The following LTBP4 variants were observed in gnomAD, a reference collection of about 807,000 sequenced individuals.
LTBP4 encodes latent-transforming growth factor beta-binding protein 4.
Under a neutral mutation model 180.2 loss-of-function variants are expected in LTBP4, and 93 were observed. The ratio of observed to expected loss-of-function variants is 0.52; its 90% CI spans 0.44 to 0.61. The LOEUF (loss-of-function observed/expected upper bound fraction) is 0.61. Ranked by LOEUF, LTBP4 falls within the 20% of genes least tolerant of loss-of-function variation. LTBP4 has a pLI of 0.00. For synonymous variants in LTBP4, 947 were observed against 934.5 expected (o/e 1.01, Z -0.24); for missense variants, 2,116 against 2,256.5 (o/e 0.94, Z 1.26).
chr19:40,600,050 C>T, upstream of LTBP4: 1 of 1,237,430 alleles, frequency 8.1e-7, no homozygotes, highest in Non-Finnish European at 1.0e-6. This position sits in a 1 kb window ranked among gnomAD's most constrained non-coding sequence, Gnocchi z 4.4. Context: ...AGCAGCTTTT[C>T]CGTCCTCTCC....
chr19:40,617,214 G>T lies in LTBP4; in HGVS notation c.3059G>T (p.Arg1020Leu), dbSNP rs777731734. Residue 1020 changes from arginine to leucine, a missense_variant, in exon 21 of 30, where the codon CGT (arginine) becomes CTT (leucine). Arg to Leu is a moderately radical substitution (Grantham distance 102). Transcript: ENST00000396819. ...DQGYEGARDGRHCVDVNECET... is the reference protein window; with the variant it reads ...DQGYEGARDGLHCVDVNECET... ...GGTTACGAGGGGGCACGGGATGGGC[G>T]TCACTGCGTGGGTACGGGACTTCAG... The T allele has an allele frequency of 6.2e-7, 1 of 1,613,610 alleles. No homozygotes were observed. The highest frequency in any genetic ancestry group is 8.5e-7 in the Non-Finnish European group (1 of 1,179,728).
Position 40,613,004 on chromosome 19 carries a change from A to AG in LTBP4, c.2300-57dup. ...CACCTCCCCCAGACACCCTACTCCA[A>AG]GGGGATTGGTCGGGTGTGTCCCGAG... On this transcript the variant is annotated intron_variant, in intron 15 of 29. Coordinates refer to ENST00000396819, the MANE Select transcript of LTBP4 (RefSeq NM_001042545.2). The surrounding 1 kb of genome is among the most constrained non-coding windows in gnomAD (Gnocchi z 5.0). 2 of 1,559,158 alleles carry AG rather than the reference A, an allele frequency of 1.3e-6. No homozygotes were observed. Among genetic ancestry groups the AG allele is most frequent in the Non-Finnish European group, 1.7e-6 (2 of 1,144,316 alleles).
Position 40,629,541 on chromosome 19 carries a change from C to A in LTBP4, c.4665C>A (p.Pro1555=). 6.6e-7 allele frequency: 1 copy of A among 1,509,580 alleles called. No individual in the cohort carries two copies. The highest frequency in any genetic ancestry group is 8.9e-7 in the Non-Finnish European group (1 of 1,129,802). 93.5% of individuals were successfully genotyped at this position (1,509,580 alleles called of 1,614,324 possible). A position where few individuals can be genotyped will look rare whatever the true frequency, so the allele number is the denominator to read the frequency against. Residue 1555 remains proline (P), a synonymous_variant, in exon 30 of 30, where the codon CCC becomes CCA. Coordinates refer to ENST00000396819, the MANE Select transcript of LTBP4 (RefSeq NM_001042545.2). This position sits in a 1 kb window ranked among gnomAD's most constrained non-coding sequence, Gnocchi z 4.5. ...HQPHHCAPAR[P]RA ...CGCACCACTGTGCGCCCGCACGGCC[C>A]CGGGCCTGAGCCCTGGCACCCGCTG... is the stretch of plus-strand genomic sequence containing the variant.
chr19:40,612,395 T>A (rs1192565181), intron 15 of LTBP4, among the ~76,000 whole-genome samples: 1 of 152,200 alleles, frequency 6.6e-6, no homozygotes, highest in Non-Finnish European at 1.5e-5. Flanking sequence ...CAGTAACATT[T>A]GACCCTAACC....
chr19:40,596,061 C>A (rs2081388558), intron 1 of LTBP4, among the ~76,000 whole-genome samples: 1 of 151,600 alleles, frequency 6.6e-6, no homozygotes, highest in Admixed American at 6.6e-5. Flanking sequence ...GCTGGGATTA[C>A]AGGCGCCCAC....
Position 40,622,368 on chromosome 19 carries a change from C to T in LTBP4, c.3218-33C>T, listed in dbSNP as rs2081591695. On this transcript the variant is annotated intron_variant, in intron 22 of 29. Coordinates refer to ENST00000396819, the MANE Select transcript of LTBP4 (RefSeq NM_001042545.2). This position sits in a 1 kb window ranked among gnomAD's most constrained non-coding sequence, Gnocchi z 5.1. ...GATAGTGGCGGGGCTGGGGATTCAGCCCACACTGGGCTAAAGCTCCTTGTC... is the reference window on the plus strand; with the variant it reads ...GATAGTGGCGGGGCTGGGGATTCAGTCCACACTGGGCTAAAGCTCCTTGTC... 6.8e-7 allele frequency: 1 copy of T among 1,469,040 alleles called. No homozygotes were observed. Among genetic ancestry groups the T allele is most frequent in the African/African-American group, 1.4e-5 (1 of 71,184 alleles). 91.0% of individuals were successfully genotyped at this position (1,469,040 alleles called of 1,614,324 possible).
At position 40,609,638 on chromosome 19, in the gene LTBP4, G is replaced by A; in HGVS notation, c.1535G>A (p.Ser512Asn). The A allele has an allele frequency of 1.2e-6, 2 of 1,613,204 alleles. No individual in the cohort carries two copies. Among genetic ancestry groups the A allele is most frequent in the Non-Finnish European group, 1.7e-6 (2 of 1,179,774 alleles). ...TCACDSGFRL[S>N]PQGTRCIDVD... ...GCTTGCGACTCTGGCTTCCGGCTCA[G>A]CCCCCAGGGCACCCGATGCATTGGT... Residue 512 changes from serine (S) to asparagine (N), a missense_variant, in exon 10 of 30, where the codon AGC becomes AAC. Ser to Asn is a conservative substitution (Grantham distance 46, BLOSUM62 1). Coordinates refer to ENST00000396819, the MANE Select transcript of LTBP4 (RefSeq NM_001042545.2). This position sits in a 1 kb window ranked among gnomAD's most constrained non-coding sequence, Gnocchi z 4.9.
upstream of LTBP4, chr19:40,599,935 C>G (rs767296485): frequency 2.1e-6 from 1 of 468,452 alleles, no homozygotes; most frequent in Non-Finnish European, 3.8e-6. Context: ...AGGCCTGGTC[C>G]CCATAAATAG....
At chr19:40,593,303 T>A in intron 1 of LTBP4, 2 of 1,126,182 alleles carry the variant, frequency 1.8e-6, no homozygotes, top group Non-Finnish European at 2.6e-6. Context: ...GGTGCAGTGG[T>A]GCAATCATGG....
upstream of LTBP4, chr19:40,599,432 G>C (rs1029924257): frequency 1.2e-6 from 2 of 1,613,746 alleles, no homozygotes; most frequent in African/African-American, 2.7e-5. Context: ...CTTCTGCAGG[G>C]TCCGAAGCTG....
rs1235456204 is a variant in LTBP4, at chr19:40,619,453, C to T, written c.3177C>T (p.Asp1059=). 3 of 1,613,504 alleles carry T rather than the reference C, an allele frequency of 1.9e-6. No individual in the cohort carries two copies. The African/African-American group carries it at 4.0e-5, about 22-fold the overall frequency. The change falls in exon 22 of 30, where the codon GAC becomes GAT. Residue 1059 remains aspartate (D), a synonymous_variant. Coordinates refer to ENST00000396819, the MANE Select transcript of LTBP4 (RefSeq NM_001042545.2). ...CVCPNSPEEF[D]PMTGRCVPPR... ...GCCCCAACAGCCCGGAAGAGTTTGA[C>T]CCCATGACTGGACGCTGTGTTCCCC...
intron 29 of LTBP4, 40 bp downstream of exon 29, chr19:40,627,897 G>T (rs1263128300): frequency 6.5e-7 from 1 of 1,535,638 alleles, no homozygotes; most frequent in Middle Eastern, 1.8e-4. Flanking sequence ...AGGGAGAGGC[G>T]AGGCTTGTCC....
At chr19:40,626,874 C>T in intron 27 of LTBP4, 101 bp from the exon 28 acceptor site, 1 of 1,396,808 alleles carries the variant, frequency 7.2e-7, no homozygotes, top group South Asian at 1.7e-5. Context: ...ACCCAGGACC[C>T]TCCCCATCCA....
At chr19:40,603,249 G>T (rs1417524405) in intron 1 of LTBP4, among the ~76,000 whole-genome samples, 2 of 152,140 alleles carry the variant, frequency 1.3e-5, no homozygotes, top group Non-Finnish European at 2.9e-5. Flanking sequence ...AGAACCCCAG[G>T]GTTGGTCTTG....
chr19:40,627,896 C>T, intron 29 of LTBP4, 39 bp downstream of exon 29: 2 of 1,535,006 alleles, frequency 1.3e-6, no homozygotes, highest in South Asian at 1.2e-5. Context: ...CAGGGAGAGG[C>T]GAGGCTTGTC....
chr19:40,601,604 G>A lies in LTBP4; in HGVS notation c.217G>A (p.Gly73Arg). The part of the protein sequence containing the change: ...ATSVDSGAPG[G>R]AAPGGPGFRA... Reference sequence around the variant, plus strand: ...CAGCGTGGACAGCGGCGCTCCCGGCGGGGCGGCCCCGGGGGGACCCGGCTT... The same window carrying A: ...CAGCGTGGACAGCGGCGCTCCCGGCAGGGCGGCCCCGGGGGGACCCGGCTT... Residue 73 changes from glycine to arginine, a missense_variant, in exon 1 of 30, where the codon GGG (glycine) becomes AGG (arginine). Coordinates refer to ENST00000396819, the MANE Select transcript of LTBP4 (RefSeq NM_001042545.2). The A allele has an allele frequency of 7.1e-7, 1 of 1,400,350 alleles. No homozygotes were observed. The highest frequency in any genetic ancestry group is 9.2e-7 in the Non-Finnish European group (1 of 1,085,158). The allele number at this position is 1,400,350 out of a possible 1,614,324, so 86.7% of individuals were successfully genotyped here.
intron 1 of LTBP4, among the ~76,000 whole-genome samples, chr19:40,602,054 A>T (rs899711848): frequency 6.6e-6 from 1 of 150,842 alleles, no homozygotes; most frequent in Non-Finnish European, 1.5e-5. Flanking sequence ...TTGGGTGGGA[A>T]GGTTCTGTAT....
Position 40,626,012 on chromosome 19 carries a change from G to A in LTBP4, c.3985+3G>A. ...CCTCTGCCCTGCGCAGGACTCAGGT[G>A]CTGGCACTGGCCTAGGCTGAACTCA... is the stretch of plus-strand genomic sequence containing the variant. On this transcript the variant is annotated splice_donor_region_variant and intron_variant, in intron 27 of 29. Transcript: ENST00000396819. 6.3e-7 allele frequency: 1 copy of A among 1,595,496 alleles called. No homozygotes were observed.
At chr19:40,602,183 G>GTGTGTGTGT (rs1568401445) in intron 1 of LTBP4, among the ~76,000 whole-genome samples, 12 of 143,106 alleles carry the variant, frequency 8.4e-5, no homozygotes, top group African/African-American at 3.2e-4. Context: ...GTGTGTGTGT[G>GTGTGTGTGT]GCGGCGGGGG....
Sources: gnomAD v4.1 joint callset for allele counts (sites outside exome capture counted in the v4.1 genomes callset) on GRCh38, gnomAD v4.1.1 for gene constraint, Gnocchi (gnomAD v3.1) non-coding constraint, MANE v1.5 for transcripts, NCBI Gene and HGNC (gene_info 2026-07-23, HGNC 2026-07-21) for gene names.